The following PDE4B variants were observed in gnomAD, a reference collection of about 807,000 sequenced individuals.
PDE4B encodes the protein phosphodiesterase 4B.
A neutral mutation model predicts 82.2 loss-of-function variants in PDE4B; 20 were observed. The ratio of observed to expected loss-of-function variants is 0.24; its 90% CI spans 0.17 to 0.35. The LOEUF is 0.35. Ranked by LOEUF, PDE4B falls within the 10% of genes least tolerant of loss-of-function variation. The pLI is 1.00. For missense variants in PDE4B, 655 were observed against 907.2 expected (o/e 0.72, Z 3.57); for synonymous variants, 320 against 318.9 (o/e 1.00, Z -0.04).
At chr1:66,073,100 T>C (rs1422838610) in intron 3 of PDE4B, among the ~76,000 whole-genome samples, 2 of 152,046 alleles carry the variant, frequency 1.3e-5, no homozygotes, top group Admixed American at 6.6e-5. Context: ...TCGCTGGGGT[T>C]TGATGGCCAG....
chr1:65,914,660 G>A (rs746310823), intron 2 of PDE4B, among the ~76,000 whole-genome samples: 1 of 149,996 alleles, frequency 6.7e-6, no homozygotes, highest in Admixed American at 6.6e-5. Flanking sequence ...TACTGTGTGC[G>A]CCAATATTTT....
chr1:66,014,533 G>C (rs1410653726), intron 3 of PDE4B, among the ~76,000 whole-genome samples: 1 of 151,940 alleles, frequency 6.6e-6, no homozygotes, highest in East Asian at 1.9e-4. Flanking sequence ...AGTATGTTTT[G>C]TTGGTACCCA....
chr1:66,100,272 C>G, intron 3 of PDE4B, among the ~76,000 whole-genome samples: 1 of 151,992 alleles, frequency 6.6e-6, no homozygotes, highest in Non-Finnish European at 1.5e-5. Context: ...AGGCTGGTCT[C>G]GAGCTCCTGA....
chr1:65,878,256 A>G (rs1165452094), intron 1 of PDE4B, among the ~76,000 whole-genome samples: 2 of 152,214 alleles, frequency 1.3e-5, no homozygotes, highest in Non-Finnish European at 2.9e-5. Flanking sequence ...GATGTGGAGA[A>G]ATAGGAACAC....
chr1:65,891,259 A>T (rs1324452580), intron 1 of PDE4B, among the ~76,000 whole-genome samples: 3 of 152,144 alleles, frequency 2.0e-5, no homozygotes, highest in African/African-American at 7.2e-5. Flanking sequence ...ACATTCATTT[A>T]TAACAAGTGC....
At chr1:66,192,373 C>A (rs956010073) in intron 3 of PDE4B, among the ~76,000 whole-genome samples, 1 of 152,056 alleles carries the variant, frequency 6.6e-6, no homozygotes, top group East Asian at 1.9e-4. Flanking sequence ...TAGACTCAAC[C>A]GAACTGATCT....
chr1:66,226,875 G>T (rs937337809), intron 3 of PDE4B, among the ~76,000 whole-genome samples: 1 of 152,164 alleles, frequency 6.6e-6, no homozygotes, highest in Non-Finnish European at 1.5e-5. Context: ...ATCAATGACT[G>T]TTGAAAAAAA....
intron 8 of PDE4B, chr1:66,354,693 A>T: frequency 7.0e-7 from 1 of 1,427,138 alleles, no homozygotes; most frequent in Non-Finnish European, 9.1e-7. Context: ...GGCTTAGGAA[A>T]TGCCATACAT....
At chr1:65,917,889 C>T (rs961983498) in intron 2 of PDE4B, among the ~76,000 whole-genome samples, 10 of 152,178 alleles carry the variant, frequency 6.6e-5, no homozygotes, top group African/African-American at 2.4e-4. Context: ...GATGGCTAGG[C>T]GTAGTGGCTC....
intron 3 of PDE4B, among the ~76,000 whole-genome samples, chr1:66,039,438 T>C (rs933282573): frequency 6.6e-6 from 1 of 152,114 alleles, no homozygotes; most frequent in Non-Finnish European, 1.5e-5. Context: ...AACAGTATTA[T>C]TATTCAGTTT....
At chr1:66,197,659 A>G (rs1282387035) in intron 3 of PDE4B, among the ~76,000 whole-genome samples, 1 of 152,166 alleles carries the variant, frequency 6.6e-6, no homozygotes, top group Non-Finnish European at 1.5e-5. Flanking sequence ...AAAATCCCCA[A>G]TCTACATCTT....
intron 3 of PDE4B, among the ~76,000 whole-genome samples, chr1:66,194,511 A>G (rs926458135): frequency 6.6e-6 from 1 of 152,182 alleles, no homozygotes; most frequent in Non-Finnish European, 1.5e-5. Context: ...ATCATGGACT[A>G]AAAATGAATA....
chr1:66,309,429 T>C (rs538137924), intron 7 of PDE4B, among the ~76,000 whole-genome samples: 63 of 152,330 alleles, frequency 4.1e-4, no homozygotes, highest in Non-Finnish European at 5.9e-4. Context: ...TGGGCTTCTA[T>C]GTGAATCAGA....
At chr1:66,260,995 A>G (rs1654639451) in intron 6 of PDE4B, among the ~76,000 whole-genome samples, 1 of 152,202 alleles carries the variant, frequency 6.6e-6, no homozygotes, top group Non-Finnish European at 1.5e-5. Context: ...CCATGTGTAC[A>G]GAGTTGATCC....
chr1:66,347,177 C>T (rs775037145), intron 8 of PDE4B, among the ~76,000 whole-genome samples: 20 of 152,246 alleles, frequency 1.3e-4, no homozygotes, highest in Middle Eastern at 3.4e-3. Flanking sequence ...ATAAACCTTC[C>T]GTGAACCTAA....
At chr1:66,116,407 C>G (rs188970329) in intron 3 of PDE4B, among the ~76,000 whole-genome samples, 107 of 152,262 alleles carry the variant, frequency 7.0e-4, no homozygotes, top group South Asian at 1.2e-3. Context: ...TTGTGCTGGG[C>G]TCCCTTCCTC....
At chr1:66,163,202 T>C (rs998982386) in intron 3 of PDE4B, among the ~76,000 whole-genome samples, 1 of 152,144 alleles carries the variant, frequency 6.6e-6, no homozygotes, top group African/African-American at 2.4e-5. Context: ...CCTCAAAAGA[T>C]GTTGTGAGTG....
chr1:66,206,473 A>G (rs1424281083), intron 3 of PDE4B, among the ~76,000 whole-genome samples: 1 of 152,226 alleles, frequency 6.6e-6, no homozygotes, highest in East Asian at 1.9e-4. Context: ...AGGTAGAGGA[A>G]GCAGCAAGAA....
At chr1:66,064,714 G>A (rs1014938145) in intron 3 of PDE4B, among the ~76,000 whole-genome samples, 14 of 151,888 alleles carry the variant, frequency 9.2e-5, no homozygotes, top group Non-Finnish European at 2.1e-4. Flanking sequence ...CTGAATTCTT[G>A]GACACTGCAC....
Sources: allele counts gnomAD v4.1 joint callset (sites outside exome capture counted in the v4.1 genomes callset), GRCh38; gene constraint gnomAD v4.1.1; transcripts MANE v1.5; gene names NCBI Gene and HGNC (gene_info 2026-07-23, HGNC 2026-07-21).